The following ST6GALNAC3 variants were observed in gnomAD, a reference collection of about 807,000 sequenced individuals.
ST6GALNAC3 encodes ST6 N-acetylgalactosaminide alpha-2,6-sialyltransferase 3, also known as alpha-N-acetylgalactosaminide alpha-2,6-sialyltransferase 3.
In ST6GALNAC3, 25 loss-of-function variants were observed where a neutral mutation model predicts 32.7. The ratio of observed to expected loss-of-function variants is 0.76; its 90% CI spans 0.56 to 1.07. ST6GALNAC3 has a LOEUF of 1.07. Ranked by LOEUF, ST6GALNAC3 falls within the 50% of genes least tolerant of loss-of-function variation. ST6GALNAC3 has a pLI of 0.00. For missense variants in ST6GALNAC3, 355 were observed against 382.4 expected, an observed-to-expected ratio of 0.93 and a Z score of 0.60; for synonymous variants, 129 against 133.1, an observed-to-expected ratio of 0.97 and a Z score of 0.21.
intron 3 of ST6GALNAC3, among the ~76,000 whole-genome samples, chr1:76,544,705 G>A (rs981862877): frequency 8.5e-5 from 13 of 152,132 alleles, no homozygotes; most frequent in Non-Finnish European, 1.8e-4. Context: ...TCCAAGGCAG[G>A]AAGATACAGG....
intron 3 of ST6GALNAC3, among the ~76,000 whole-genome samples, chr1:76,578,298 C>T (rs1646841076): frequency 6.6e-6 from 1 of 151,972 alleles, no homozygotes; most frequent in African/African-American, 2.4e-5. Context: ...CCTATAAGGA[C>T]TTCTATTTTA....
chr1:76,198,760 C>A (rs372304263), intron 1 of ST6GALNAC3, among the ~76,000 whole-genome samples: 1 of 152,064 alleles, frequency 6.6e-6, no homozygotes, highest in Admixed American at 6.6e-5. Context: ...TTAGATATGT[C>A]GGATTTGAGG....
At chr1:76,492,103 G>C (rs1660538838) in intron 3 of ST6GALNAC3, among the ~76,000 whole-genome samples, 2 of 152,088 alleles carry the variant, frequency 1.3e-5, no homozygotes, top group Admixed American at 6.6e-5. Context: ...GACAAGTGAA[G>C]TAACCTGCAC....
At chr1:76,122,806 A>G (rs1648973010) in intron 1 of ST6GALNAC3, among the ~76,000 whole-genome samples, 1 of 152,156 alleles carries the variant, frequency 6.6e-6, no homozygotes, top group Non-Finnish European at 1.5e-5. Context: ...CATCATTTCC[A>G]TCAGCTCAGC....
chr1:76,475,894 C>T (rs551085544), intron 3 of ST6GALNAC3, among the ~76,000 whole-genome samples: 39 of 151,286 alleles, frequency 2.6e-4, no homozygotes, highest in African/African-American at 9.4e-4. Flanking sequence ...GTTCCCCTCA[C>T]TGTGTCCTTC....
intron 1 of ST6GALNAC3, among the ~76,000 whole-genome samples, chr1:76,135,503 A>G (rs1356015484): frequency 2.6e-5 from 4 of 152,208 alleles, no homozygotes; most frequent in African/African-American, 9.6e-5. Context: ...AGTTGAGGAA[A>G]CTTAAGGCTC....
At chr1:76,556,907 C>T (rs868448980) in intron 3 of ST6GALNAC3, among the ~76,000 whole-genome samples, 38 of 151,948 alleles carry the variant, frequency 2.5e-4, no homozygotes, top group Middle Eastern at 3.4e-3. Context: ...TCTTTTGTCA[C>T]TTATGCTTTT....
At chr1:76,612,398 T>C (rs1647995424) in intron 3 of ST6GALNAC3, among the ~76,000 whole-genome samples, 1 of 151,842 alleles carries the variant, frequency 6.6e-6, no homozygotes, top group African/African-American at 2.4e-5. Context: ...GCAGAAAGAG[T>C]GAACACAACT....
At chr1:76,307,485 CAAAG>C (rs1433958486) in intron 1 of ST6GALNAC3, among the ~76,000 whole-genome samples, 5 of 152,010 alleles carry the variant, frequency 3.3e-5, no homozygotes, top group South Asian at 2.1e-4. Context: ...GATAAAATCA[CAAAG>C]AAGCAATGGG....
At chr1:76,422,097 G>T (rs1655065699) in intron 3 of ST6GALNAC3, among the ~76,000 whole-genome samples, 1 of 151,036 alleles carries the variant, frequency 6.6e-6, no homozygotes, top group South Asian at 2.1e-4. Flanking sequence ...TCTCCTACTG[G>T]GATATGAGTT....
intron 1 of ST6GALNAC3, chr1:76,307,953 C>G (rs750487748): frequency 7.9e-6 from 4 of 506,950 alleles, no homozygotes; most frequent in Non-Finnish European, 1.6e-5. Flanking sequence ...AGCTAGAATG[C>G]CATGTTTTTG....
chr1:76,187,746 C>T (rs535355084), intron 1 of ST6GALNAC3, among the ~76,000 whole-genome samples: 3 of 152,130 alleles, frequency 2.0e-5, no homozygotes, highest in East Asian at 1.9e-4. Context: ...CACACACACA[C>T]GCACACACAC....
chr1:76,433,792 A>G (rs1436223708), intron 3 of ST6GALNAC3, among the ~76,000 whole-genome samples: 1 of 152,216 alleles, frequency 6.6e-6, no homozygotes, highest in Non-Finnish European at 1.5e-5. Context: ...AAAAAAATGC[A>G]GAGAAATAGC....
intron 3 of ST6GALNAC3, among the ~76,000 whole-genome samples, chr1:76,537,563 T>A (rs1387525773): frequency 6.6e-6 from 1 of 151,744 alleles, no homozygotes; most frequent in African/African-American, 2.4e-5. Flanking sequence ...AAATAGACCA[T>A]TAGATAAACT....
intron 3 of ST6GALNAC3, among the ~76,000 whole-genome samples, chr1:76,539,204 T>A (rs567501641): frequency 1.3e-5 from 2 of 152,092 alleles, no homozygotes; most frequent in East Asian, 3.9e-4. Flanking sequence ...ACCTCAGAAA[T>A]AACACCACAC....
intron 1 of ST6GALNAC3, among the ~76,000 whole-genome samples, chr1:76,089,886 C>A (rs1454744838): frequency 6.6e-6 from 1 of 151,724 alleles, no homozygotes; most frequent in Non-Finnish European, 1.5e-5. Flanking sequence ...AATCATCTTA[C>A]CTTATGTGAG....
chr1:76,213,154 G>T (rs1655261907), intron 1 of ST6GALNAC3, among the ~76,000 whole-genome samples: 1 of 152,312 alleles, frequency 6.6e-6, no homozygotes, highest in African/African-American at 2.4e-5. Flanking sequence ...TCACTCTCAA[G>T]TGTTGTTGGG....
At chr1:76,199,926 T>A (rs1283129313) in intron 1 of ST6GALNAC3, among the ~76,000 whole-genome samples, 1 of 152,200 alleles carries the variant, frequency 6.6e-6, no homozygotes, top group East Asian at 1.9e-4. Flanking sequence ...GTTGGGAAGT[T>A]GAAATTTACA....
At chr1:76,522,675 C>G (rs1367905103) in intron 3 of ST6GALNAC3, among the ~76,000 whole-genome samples, 2 of 152,188 alleles carry the variant, frequency 1.3e-5, no homozygotes, top group Admixed American at 6.5e-5. Context: ...CTAGGTTAGG[C>G]TGATCTACAT....
Sources: allele counts gnomAD v4.1 joint callset (sites outside exome capture counted in the v4.1 genomes callset), GRCh38; gene constraint gnomAD v4.1.1; transcripts MANE v1.5; gene names NCBI Gene and HGNC (gene_info 2026-07-23, HGNC 2026-07-21).